The following LRBA variants were observed in gnomAD, a reference collection of about 807,000 sequenced individuals.
LRBA encodes the protein lipopolysaccharide-responsive and beige-like anchor protein.
A neutral mutation model predicts 330.0 loss-of-function variants in LRBA; 176 were observed. The ratio of observed to expected loss-of-function variants is 0.53; its 90% CI spans 0.47 to 0.60. LRBA has a LOEUF of 0.60. LRBA is among the 20% of genes least tolerant of loss of function. The pLI, the probability that LRBA is intolerant of heterozygous loss-of-function variation, is 0.00. For missense variants in LRBA, 3,259 were observed against 3,444.8 expected (o/e 0.95, Z 1.35); for synonymous variants, 1,230 against 1,193.0 (o/e 1.03, Z -0.64).
intron 44 of LRBA, among the ~76,000 whole-genome samples, chr4:150,456,459 T>C (rs1370291487): frequency 6.6e-6 from 1 of 152,116 alleles, no homozygotes; most frequent in Non-Finnish European, 1.5e-5. Context: ...CTGCATGCCA[T>C]TTGTATGCCT....
chr4:150,728,531 A>G (rs1030061369), intron 36 of LRBA, among the ~76,000 whole-genome samples: 1 of 152,156 alleles, frequency 6.6e-6, no homozygotes, highest in African/African-American at 2.4e-5. Context: ...GGGTGGAAGG[A>G]TGGTTCAATG....
chr4:150,483,301 T>A (rs888684835), intron 42 of LRBA, among the ~76,000 whole-genome samples: 1 of 152,052 alleles, frequency 6.6e-6, no homozygotes, highest in Non-Finnish European at 1.5e-5. Context: ...ATTGATCATA[T>A]ATGTTTGAGT....
At chr4:150,575,302 A>G (rs1165128053) in intron 40 of LRBA, among the ~76,000 whole-genome samples, 1 of 152,008 alleles carries the variant, frequency 6.6e-6, no homozygotes, top group African/African-American at 2.4e-5. Flanking sequence ...ACTACAAGCA[A>G]TCAGAGAAAC....
intron 17 of LRBA, among the ~76,000 whole-genome samples, chr4:150,873,886 C>G (rs72719664): frequency 1.1e-3 from 166 of 152,176 alleles, no homozygotes; most frequent in Non-Finnish European, 1.6e-3. Flanking sequence ...AAGTTTGATT[C>G]CTTTTAAAAC....
At chr4:151,005,460 A>C (rs1378070761) in intron 2 of LRBA, among the ~76,000 whole-genome samples, 2 of 151,038 alleles carry the variant, frequency 1.3e-5, no homozygotes, top group Non-Finnish European at 3.0e-5. Flanking sequence ...AAAAAAAAAA[A>C]AAAACCCTGT....
chr4:150,652,140 T>C (rs1477549083), intron 37 of LRBA, among the ~76,000 whole-genome samples: 1 of 152,114 alleles, frequency 6.6e-6, no homozygotes, highest in Non-Finnish European at 1.5e-5. Flanking sequence ...GGGGCACCAA[T>C]ATCATTTTCA....
intron 36 of LRBA, among the ~76,000 whole-genome samples, chr4:150,700,411 A>G (rs1481490710): frequency 6.6e-6 from 1 of 152,204 alleles, no homozygotes. Flanking sequence ...AAATGGGTAT[A>G]AAACAAACAA....
intron 47 of LRBA, among the ~76,000 whole-genome samples, chr4:150,351,886 A>G (rs139396538): frequency 1.3e-5 from 2 of 152,330 alleles, no homozygotes; most frequent in East Asian, 3.9e-4. Flanking sequence ...GAGATAAACA[A>G]CAATAACAAC....
At position 150,599,537 on chromosome 4, in the gene LRBA, T is replaced by C. The variant is rs557856140; in HGVS notation, c.5922-406A>G. The stretch of plus-strand genomic sequence containing the variant: ...GGAAAAGGCTATTATAAATATGGTA[T>C]AGCATTACCTATATTAATCAAAGTC... On this transcript the variant is annotated intron_variant, in intron 37 of 56. Coordinates refer to ENST00000651943, the MANE Select transcript of LRBA (RefSeq NM_001364905.1). Among the ~76,000 whole-genome samples the C allele has an allele frequency of 7.2e-5, 11 of 152,332 alleles. No homozygotes were observed. In the East Asian group the frequency reaches 1.2e-3, roughly 16 times the overall value.
chr4:150,868,066 A>T (rs1167913377), intron 21 of LRBA, 116 bp downstream of exon 21: 2 of 1,120,146 alleles, frequency 1.8e-6, no homozygotes, highest in South Asian at 1.8e-5. Context: ...TACTCTTAAT[A>T]AAAAAAATAG....
chr4:150,723,549 C>G (rs554590056), intron 36 of LRBA, among the ~76,000 whole-genome samples: 1 of 152,284 alleles, frequency 6.6e-6, no homozygotes, highest in East Asian at 1.9e-4. Context: ...CCCTGAATAA[C>G]CAGCAGTGAT....
At chr4:150,862,569 C>T (rs555877946) in intron 22 of LRBA, among the ~76,000 whole-genome samples, 1 of 151,664 alleles carries the variant, frequency 6.6e-6, no homozygotes, top group South Asian at 2.1e-4. Context: ...GGAGATATAC[C>T]TAATGTAAAT....
intron 48 of LRBA, among the ~76,000 whole-genome samples, chr4:150,349,503 A>G (rs1441746234): frequency 6.6e-6 from 1 of 152,204 alleles, no homozygotes; most frequent in East Asian, 1.9e-4. Context: ...AAAATAAATG[A>G]CAAGAATAAA....
chr4:150,570,475 T>C (rs1769699813), intron 40 of LRBA, among the ~76,000 whole-genome samples: 1 of 152,056 alleles, frequency 6.6e-6, no homozygotes, highest in Admixed American at 6.6e-5. Context: ...TATGAAAAAA[T>C]ATGACAAGCA....
chr4:150,906,237 G>C (rs1731322481), intron 12 of LRBA, 60 bp downstream of exon 12: 4 of 1,075,336 alleles, frequency 3.7e-6, no homozygotes, highest in Middle Eastern at 4.2e-4. Context: ...TAGCCACTTA[G>C]AGAACAAATG....
intron 44 of LRBA, among the ~76,000 whole-genome samples, chr4:150,443,182 T>G (rs1752055981): frequency 6.6e-6 from 1 of 152,148 alleles, no homozygotes; most frequent in Non-Finnish European, 1.5e-5. Flanking sequence ...GACTTTTTAA[T>G]GATCGCCATT....
chr4:150,896,346 AT>A, intron 16 of LRBA, 47 bp downstream of exon 16: 1 of 988,996 alleles, frequency 1.0e-6, no homozygotes, highest in Non-Finnish European at 1.5e-6. Context: ...AAAAAGTCTA[AT>A]GTAGCTTCAA....
chr4:150,277,779 G>A, intron 56 of LRBA, 74 bp downstream of exon 56: 1 of 1,429,904 alleles, frequency 7.0e-7, no homozygotes, highest in South Asian at 1.2e-5. Flanking sequence ...TGGGATTACA[G>A]GTGTAAGCCA....
chr4:151,015,681 T>C (rs1220567873), upstream of LRBA: 1 of 152,144 alleles, frequency 6.6e-6, no homozygotes, highest in Non-Finnish European at 1.5e-5. Flanking sequence ...GCGGCTGTCG[T>C]GTGCCCACTG....
Sources: allele counts gnomAD v4.1 joint callset (sites outside exome capture counted in the v4.1 genomes callset), GRCh38; gene constraint gnomAD v4.1.1; transcripts MANE v1.5; gene names NCBI Gene and HGNC (gene_info 2026-07-23, HGNC 2026-07-21).